Variants in SLC35D4 observed in about 807,000 individuals in gnomAD.
SLC35D4 encodes solute carrier family 35 member D4, also known as UDP-N-acetylglucosamine transporter SLC35D4.
At chr18:23,397,320 T>A in the SLC35D4 span, among the ~76,000 whole-genome samples, 1 of 152,196 alleles carries the variant, frequency 6.6e-6, no homozygotes, top group African/African-American at 2.4e-5. Flanking sequence ...ACTGATCCAA[T>A]CAGAGTGAAG....
At chr18:23,269,048 T>G in the SLC35D4 span, among the ~76,000 whole-genome samples, 1 of 152,204 alleles carries the variant, frequency 6.6e-6, no homozygotes, top group Non-Finnish European at 1.5e-5. Flanking sequence ...GGGCTAATTA[T>G]GAAAACTTTC....
At chr18:23,345,984 C>T in the SLC35D4 span, among the ~76,000 whole-genome samples, 2 of 151,952 alleles carry the variant, frequency 1.3e-5, no homozygotes, top group Non-Finnish European at 1.5e-5. Flanking sequence ...ATATATAAAA[C>T]TTTGAGCTGG....
chr18:23,373,181 G>C, the SLC35D4 span, among the ~76,000 whole-genome samples: 8 of 152,258 alleles, frequency 5.3e-5, no homozygotes, highest in African/African-American at 1.9e-4. Flanking sequence ...TGGGCATGGT[G>C]GTGGGCGCTT....
the SLC35D4 span, among the ~76,000 whole-genome samples, chr18:23,361,439 C>T: frequency 6.6e-6 from 1 of 152,168 alleles, no homozygotes; most frequent in Non-Finnish European, 1.5e-5. Flanking sequence ...GAATTGGAGC[C>T]ACCCTGTAAG....
At chr18:23,368,229 T>C in the SLC35D4 span, among the ~76,000 whole-genome samples, 1 of 152,188 alleles carries the variant, frequency 6.6e-6, no homozygotes, top group Non-Finnish European at 1.5e-5. Flanking sequence ...CACCCCAGGC[T>C]TCATCCTGCA....
chr18:23,365,371 T>C, the SLC35D4 span, among the ~76,000 whole-genome samples: 1 of 152,186 alleles, frequency 6.6e-6, no homozygotes, highest in Admixed American at 6.5e-5. Flanking sequence ...TAAGCCCTAG[T>C]TTACTTGGCA....
chr18:23,352,150 T>C, the SLC35D4 span: 1 of 1,536,782 alleles, frequency 6.5e-7, no homozygotes, highest in Non-Finnish European at 8.8e-7. Flanking sequence ...GATCTTTGGA[T>C]ACACAGGCTC....
chr18:23,384,364 A>G, the SLC35D4 span, among the ~76,000 whole-genome samples: 2 of 152,208 alleles, frequency 1.3e-5, no homozygotes, highest in African/African-American at 4.8e-5. Context: ...AGAAAAAAAA[A>G]ACTCCAAAAA....
chr18:23,248,553 C>T, the SLC35D4 span, among the ~76,000 whole-genome samples: 17 of 114,860 alleles, frequency 1.5e-4, no homozygotes, highest in South Asian at 2.7e-3. Context: ...AAAGGCTGGA[C>T]GTGGTGGCTC....
the SLC35D4 span, chr18:23,368,851 C>T: frequency 6.6e-6 from 5 of 752,304 alleles, no homozygotes; most frequent in Non-Finnish European, 1.0e-5. Flanking sequence ...ATTTTAGTTA[C>T]TACTTTTATA....
the SLC35D4 span, among the ~76,000 whole-genome samples, chr18:23,333,139 T>C: frequency 1.2e-4 from 19 of 152,220 alleles, no homozygotes; most frequent in African/African-American, 4.3e-4. Context: ...TATTATGTAA[T>C]TCTTAGAGTA....
At chr18:23,325,511 C>T in the SLC35D4 span, among the ~76,000 whole-genome samples, 1 of 152,126 alleles carries the variant, frequency 6.6e-6, no homozygotes. Context: ...TGATCAGTTG[C>T]ACACTGAGTG....
At chr18:23,382,393 C>T in the SLC35D4 span, among the ~76,000 whole-genome samples, 1 of 151,832 alleles carries the variant, frequency 6.6e-6, no homozygotes, top group African/African-American at 2.4e-5. Flanking sequence ...TTAGCTCAGT[C>T]CCAGTTCTGG....
At chr18:23,317,738 T>C in the SLC35D4 span, among the ~76,000 whole-genome samples, 1 of 151,974 alleles carries the variant, frequency 6.6e-6, no homozygotes, top group Non-Finnish European at 1.5e-5. Context: ...TTTTTATATG[T>C]TTCATTTCTT....
chr18:23,370,179 A>T, the SLC35D4 span: 8 of 1,567,318 alleles, frequency 5.1e-6, no homozygotes, highest in African/African-American at 1.4e-5. Context: ...AACAAGAGCT[A>T]AACTCCATCT....
At chr18:23,359,383 CAAA>C in the SLC35D4 span, among the ~76,000 whole-genome samples, 6 of 92,776 alleles carry the variant, frequency 6.5e-5, no homozygotes, top group Admixed American at 3.3e-4. Context: ...GACTCCATCT[CAAA>C]AAAAAAAAAA....
the SLC35D4 span, among the ~76,000 whole-genome samples, chr18:23,417,042 G>C: frequency 3.3e-5 from 5 of 152,118 alleles, no homozygotes; most frequent in Admixed American, 3.3e-4. Flanking sequence ...AGGAGTTAGA[G>C]ACCAGCCTGG....
chr18:23,402,564 G>T, the SLC35D4 span, among the ~76,000 whole-genome samples: 1 of 152,128 alleles, frequency 6.6e-6, no homozygotes, highest in Non-Finnish European at 1.5e-5. Flanking sequence ...CAGCACTTTG[G>T]GAGGCCAAAA....
At chr18:23,392,560 G>A in the SLC35D4 span, among the ~76,000 whole-genome samples, 4 of 152,128 alleles carry the variant, frequency 2.6e-5, no homozygotes, top group Admixed American at 2.6e-4. Context: ...GTAGCTGCCT[G>A]GTGTGTAAGG....
Sources: gnomAD v4.1 joint callset for allele counts (sites outside exome capture counted in the v4.1 genomes callset) on GRCh38, gnomAD v4.1.1 for gene constraint, MANE v1.5 for transcripts, NCBI Gene and HGNC (gene_info 2026-07-23, HGNC 2026-07-21) for gene names.